Variants in LRRC8C observed in about 807,000 individuals in gnomAD.
LRRC8C encodes volume-regulated anion channel subunit LRRC8C.
In LRRC8C, 20 loss-of-function variants were observed where a neutral mutation model predicts 55.3. That is an observed-to-expected ratio of 0.36 (90% CI 0.25 to 0.53). LRRC8C has a LOEUF of 0.53. LRRC8C is among the 20% of genes least tolerant of loss of function. LRRC8C has a pLI of 0.92. For missense variants in LRRC8C, 659 were observed against 951.4 expected (o/e 0.69, Z 4.04); for synonymous variants, 376 against 360.7 (o/e 1.04, Z -0.48).
the LRRC8C span, among the ~76,000 whole-genome samples, chr1:89,625,862 T>C: frequency 1.1e-4 from 17 of 152,218 alleles, no homozygotes; most frequent in African/African-American, 4.1e-4. Flanking sequence ...CAATGTTAAG[T>C]TGTGATCTGA....
At position 89,649,595 on chromosome 1, in the gene LRRC8C, C is replaced by G. The variant is rs1656703277; in HGVS notation, c.-5+16273C>G. On this transcript the variant is annotated intron_variant, in intron 1 of 2. Coordinates refer to ENST00000370454, the MANE Select transcript of LRRC8C (RefSeq NM_032270.5). ...TCTGTCTAGAAAATGTGAACTCCATCTATTTGAAAAACTTCACAGTCATGC... is the reference window on the plus strand; with the variant it reads ...TCTGTCTAGAAAATGTGAACTCCATGTATTTGAAAAACTTCACAGTCATGC... 1.3e-5 allele frequency among the ~76,000 whole-genome samples: 2 copies of G among 152,114 alleles called. 1 individual carries two copies. The highest frequency in any genetic ancestry group is 4.1e-4 in the South Asian group (2 of 4,830).
Position 89,659,064 on chromosome 1 carries a change from TGTGTGTGTGTG to T in LRRC8C, c.-5+25743_-5+25753del, listed in dbSNP as rs1657040594. Among the ~76,000 whole-genome samples the T allele has an allele frequency of 7.4e-4, 19 of 25,828 alleles. 1 individual carries two copies. The highest frequency in any genetic ancestry group is 6.5e-3 in the Admixed American group (10 of 1,534). 16.9% of individuals were successfully genotyped at this position (25,828 alleles called of 152,430 possible). A position where few individuals can be genotyped will look rare whatever the true frequency, so the allele number is the denominator to read the frequency against. Reference sequence around the variant, plus strand: ...CTTCTCCAGGTTTTTTTTTTTTTTGTGTGTGTGTGTGTGTGTGTGTGTGTGTGTGTGTGTGT... The same window carrying T: ...CTTCTCCAGGTTTTTTTTTTTTTTGTTGTGTGTGTGTGTGTGTGTGTGTGT... On this transcript the variant is annotated intron_variant, in intron 1 of 2. Coordinates refer to ENST00000370454, the MANE Select transcript of LRRC8C (RefSeq NM_032270.5).
chr1:89,677,774 A>G (rs942961988), intron 1 of LRRC8C, among the ~76,000 whole-genome samples: 6 of 152,198 alleles, frequency 3.9e-5, no homozygotes, highest in Middle Eastern at 3.2e-3. Flanking sequence ...ATTTCTACAG[A>G]ACCATATAAT....
chr1:89,619,221 C>T, the LRRC8C span, among the ~76,000 whole-genome samples: 1 of 152,058 alleles, frequency 6.6e-6, no homozygotes, highest in South Asian at 2.1e-4. Context: ...TTCATATCCA[C>T]AGAAGTTCTA....
chr1:89,716,909 AAG>A lies in LRRC8C; in HGVS notation c.*1931_*1932del, dbSNP rs1658837102. On this transcript the variant is annotated 3_prime_UTR_variant, in exon 3 of 3. Coordinates refer to ENST00000370454, the MANE Select transcript of LRRC8C (RefSeq NM_032270.5). ...ACATCATGAGGTGAAGCATTAGGGA[AAG>A]AGATTCTTTCGATTTGTTTAATAAT... 6.6e-6 allele frequency: 1 copy of A among 152,166 alleles called. No homozygotes were observed. The highest frequency in any genetic ancestry group is 1.5e-5 in the Non-Finnish European group (1 of 68,034). The allele number at this position is 152,166 out of a possible 1,614,324, so 9.4% of individuals were successfully genotyped here. A position where few individuals can be genotyped will look rare whatever the true frequency, so the allele number is the denominator to read the frequency against.
intron 1 of LRRC8C, among the ~76,000 whole-genome samples, chr1:89,679,301 C>G (rs1204103770): frequency 6.6e-6 from 1 of 152,162 alleles, no homozygotes; most frequent in African/African-American, 2.4e-5. Context: ...TGCCTGTAAT[C>G]CCAGCAGTTT....
chr1:89,650,360 G>A (rs1202406121), intron 1 of LRRC8C, among the ~76,000 whole-genome samples: 2 of 152,090 alleles, frequency 1.3e-5, no homozygotes, highest in African/African-American at 4.8e-5. Context: ...TTTTTGAAAG[G>A]AATGTTAGAA....
At chr1:89,700,840 A>G (rs1376613627) in intron 2 of LRRC8C, among the ~76,000 whole-genome samples, 1 of 152,234 alleles carries the variant, frequency 6.6e-6, no homozygotes, top group East Asian at 1.9e-4. Flanking sequence ...ATCTGTCATA[A>G]CCAAGTTAAA....
upstream of LRRC8C, chr1:89,629,738 C>A (rs1656057582): frequency 6.6e-6 from 1 of 152,220 alleles, no homozygotes; most frequent in Admixed American, 6.5e-5. Context: ...CTCCCAGACT[C>A]TGTAGTGAAG....
the LRRC8C span, among the ~76,000 whole-genome samples, chr1:89,625,818 G>T: frequency 6.6e-6 from 1 of 152,134 alleles, no homozygotes. Context: ...TAGATGCTTC[G>T]TCAGGGCTGA....
In LRRC8C at chr1:89,677,821, T is replaced by A. The variant is rs555919718; in HGVS notation, c.-4-8649T>A. On this transcript the variant is annotated intron_variant, in intron 1 of 2. Coordinates refer to ENST00000370454, the MANE Select transcript of LRRC8C (RefSeq NM_032270.5). The stretch of plus-strand genomic sequence containing the variant: ...TCAGTGGATTTTTCCAGAAATATTT[T>A]GTCATGAATGCCAAAACTGTACAAT... Among the ~76,000 whole-genome samples the A allele has an allele frequency of 2.6e-5, 4 of 152,382 alleles. No homozygotes were observed. The East Asian group carries it at 7.7e-4, about 29-fold the overall frequency.
At chr1:89,694,583 TTC>T (rs1491289312) in intron 2 of LRRC8C, among the ~76,000 whole-genome samples, 3 of 117,056 alleles carry the variant, frequency 2.6e-5, no homozygotes, top group African/African-American at 7.2e-5. Flanking sequence ...CATGCCCAGC[TTC>T]TTTTTTTTTT....
Position 89,714,643 on chromosome 1 carries a change from G to C in LRRC8C, c.2073G>C (p.Ser691=), listed in dbSNP as rs369329385. ...LCNKIRYLDL[S]YNDIRFIPPE... Reference sequence around the variant, plus strand: ...ACAAGATCCGATACTTGGACTTATCGTACAATGACATTCGATTTATCCCCC... The same window carrying C: ...ACAAGATCCGATACTTGGACTTATCCTACAATGACATTCGATTTATCCCCC... The change falls in exon 3 of 3, where the codon TCG becomes TCC. Residue 691 remains serine, a synonymous_variant. Transcript: ENST00000370454. This position sits in a 1 kb window ranked among gnomAD's most constrained non-coding sequence, Gnocchi z 4.6. The C allele has an allele frequency of 2.4e-5, 39 of 1,613,940 alleles. No homozygotes were observed. In the South Asian group the frequency reaches 4.3e-4, roughly 18 times the overall value.
At chr1:89,641,508 T>G (rs1409427523) in intron 1 of LRRC8C, among the ~76,000 whole-genome samples, 1 of 152,204 alleles carries the variant, frequency 6.6e-6, no homozygotes, top group Non-Finnish European at 1.5e-5. Flanking sequence ...AGAAGGAGAT[T>G]GTGAATTCTA....
chr1:89,696,825 A>C (rs1055171585), intron 2 of LRRC8C, among the ~76,000 whole-genome samples: 1 of 152,216 alleles, frequency 6.6e-6, no homozygotes, highest in Non-Finnish European at 1.5e-5. Flanking sequence ...GGAGCAAAGA[A>C]GAGTCTTTTC....
chr1:89,708,101 T>A (rs897346019), intron 2 of LRRC8C, among the ~76,000 whole-genome samples: 6 of 151,294 alleles, frequency 4.0e-5, no homozygotes, highest in African/African-American at 1.5e-4. Flanking sequence ...CTCCCCCCAG[T>A]TTCTTCCCCC....
intron 2 of LRRC8C, among the ~76,000 whole-genome samples, chr1:89,696,315 T>C (rs935678466): frequency 1.3e-5 from 2 of 152,192 alleles, no homozygotes; most frequent in African/African-American, 2.4e-5. Flanking sequence ...AAGCACTTTC[T>C]TTGCCTAAGC....
intron 1 of LRRC8C, among the ~76,000 whole-genome samples, chr1:89,650,673 T>G (rs1051905576): frequency 6.6e-6 from 1 of 152,092 alleles, no homozygotes. Flanking sequence ...GCTTTGGTTG[T>G]TTCTTAGTAA....
intron 1 of LRRC8C, among the ~76,000 whole-genome samples, chr1:89,675,899 G>A (rs1314892398): frequency 1.3e-5 from 2 of 152,076 alleles, no homozygotes; most frequent in Non-Finnish European, 1.5e-5. Context: ...AGAGACTATA[G>A]GTATACTCAG....
Sources: allele counts gnomAD v4.1 joint callset (sites outside exome capture counted in the v4.1 genomes callset), GRCh38; gene constraint gnomAD v4.1.1; non-coding constraint Gnocchi (gnomAD v3.1); transcripts MANE v1.5; gene names NCBI Gene and HGNC (gene_info 2026-07-23, HGNC 2026-07-21).